The following DPP6 variants were observed in gnomAD, a reference collection of about 807,000 sequenced individuals.
DPP6 encodes dipeptidyl peptidase like 6, also known as A-type potassium channel modulatory protein DPP6.
Under a neutral mutation model 122.6 loss-of-function variants are expected in DPP6, and 69 were observed. The ratio of observed to expected loss-of-function variants is 0.56; its 90% confidence interval spans 0.46 to 0.69. The LOEUF is 0.69. DPP6 is among the 30% of genes least tolerant of loss of function. The pLI is 0.00. For synonymous variants in DPP6, 418 were observed against 433.1 expected (o/e 0.97, Z 0.43); for missense variants, 928 against 1,116.9 (o/e 0.83, Z 2.41).
chr7:154,385,033 C>G (rs1035448573), intron 1 of DPP6, among the ~76,000 whole-genome samples: 1 of 151,966 alleles, frequency 6.6e-6, no homozygotes, highest in African/African-American at 2.4e-5. Context: ...TGCAGTGGTG[C>G]GATCTCGGCT....
intron 1 of DPP6, among the ~76,000 whole-genome samples, chr7:154,273,845 A>G (rs1018085097): frequency 6.6e-6 from 1 of 152,240 alleles, no homozygotes; most frequent in South Asian, 2.1e-4. Context: ...ATTGGACTCC[A>G]AGTGAAACAA....
chr7:153,914,925 T>C (rs1800241401), intron 1 of DPP6, among the ~76,000 whole-genome samples: 2 of 152,248 alleles, frequency 1.3e-5, no homozygotes. Context: ...TAACTGGGTC[T>C]GAACTCTTGC....
At chr7:154,323,523 A>G (rs1301400299) in intron 1 of DPP6, among the ~76,000 whole-genome samples, 2 of 152,324 alleles carry the variant, frequency 1.3e-5, no homozygotes, top group East Asian at 3.9e-4. Flanking sequence ...TTCATCGTCA[A>G]CTAACTTCTG....
At chr7:154,411,168 A>G (rs1816564918) in intron 1 of DPP6, among the ~76,000 whole-genome samples, 1 of 152,254 alleles carries the variant, frequency 6.6e-6, no homozygotes, top group Non-Finnish European at 1.5e-5. Flanking sequence ...GTAGACATAT[A>G]TTAGCATCTT....
At chr7:154,802,086 G>A (rs1229680094) in intron 13 of DPP6, among the ~76,000 whole-genome samples, 4 of 151,930 alleles carry the variant, frequency 2.6e-5, no homozygotes, top group Admixed American at 2.0e-4. Context: ...CTGCAGGACG[G>A]GGCTGCCATG....
intron 1 of DPP6, among the ~76,000 whole-genome samples, chr7:154,194,870 A>G (rs545504117): frequency 6.6e-6 from 1 of 152,348 alleles, no homozygotes; most frequent in Non-Finnish European, 1.5e-5. Flanking sequence ...AGTTTCAAGA[A>G]ATATATTCTG....
chr7:154,261,555 A>G (rs949664846), intron 1 of DPP6, among the ~76,000 whole-genome samples: 1 of 152,342 alleles, frequency 6.6e-6, no homozygotes, highest in Admixed American at 6.5e-5. Context: ...TAATTAAACT[A>G]AAGAGCTTTT....
chr7:154,776,148 C>G (rs1227192641), intron 10 of DPP6, among the ~76,000 whole-genome samples: 1 of 151,744 alleles, frequency 6.6e-6, no homozygotes, highest in Admixed American at 6.6e-5. Context: ...CTATTTCTCT[C>G]CAAGTAAAGG....
chr7:153,787,744 G>A, the DPP6 span, among the ~76,000 whole-genome samples: 1 of 151,362 alleles, frequency 6.6e-6, no homozygotes, highest in Non-Finnish European at 1.5e-5. Flanking sequence ...GTGAGAACTT[G>A]TCTCTAAAAC....
chr7:154,340,881 G>A (rs1164405905), intron 1 of DPP6, among the ~76,000 whole-genome samples: 3 of 152,170 alleles, frequency 2.0e-5, no homozygotes, highest in African/African-American at 7.2e-5. Flanking sequence ...GTCCACTACA[G>A]AATGCCTGGC....
intron 21 of DPP6, among the ~76,000 whole-genome samples, chr7:154,883,080 T>A (rs1251996091): frequency 7.3e-6 from 1 of 136,178 alleles, no homozygotes; most frequent in Admixed American, 7.2e-5. Context: ...TGCTCACCCA[T>A]ACACCTGCTC....
At chr7:154,339,568 C>G (rs1809739397) in intron 1 of DPP6, among the ~76,000 whole-genome samples, 1 of 152,196 alleles carries the variant, frequency 6.6e-6, no homozygotes, top group South Asian at 2.1e-4. Flanking sequence ...CACTAATTTG[C>G]CTAGCAATTC....
intron 1 of DPP6, among the ~76,000 whole-genome samples, chr7:154,153,185 T>C (rs1796509699): frequency 6.6e-6 from 1 of 152,174 alleles, no homozygotes; most frequent in Admixed American, 6.5e-5. Flanking sequence ...AGGGGAGTTG[T>C]TACTTTTACT....
At chr7:154,137,025 G>A (rs956118875) in intron 1 of DPP6, among the ~76,000 whole-genome samples, 10 of 152,180 alleles carry the variant, frequency 6.6e-5, no homozygotes, top group African/African-American at 2.4e-4. Context: ...TCAACACACT[G>A]CCATGACCTG....
intron 5 of DPP6, among the ~76,000 whole-genome samples, chr7:154,632,566 T>C (rs1210733672): frequency 6.6e-6 from 1 of 151,944 alleles, no homozygotes; most frequent in Non-Finnish European, 1.5e-5. Flanking sequence ...TGCTGAAGAG[T>C]TTATTCTGGA....
intron 1 of DPP6, among the ~76,000 whole-genome samples, chr7:153,921,771 G>A (rs1160901637): frequency 6.6e-6 from 1 of 152,196 alleles, no homozygotes; most frequent in Non-Finnish European, 1.5e-5. Flanking sequence ...CATCACTTAG[G>A]TCTCCAGACT....
In DPP6 at chr7:154,512,778, G is replaced by C. The variant is rs113713992; in HGVS notation, c.458-27754G>C. Reference sequence around the variant, plus strand: ...TGCTGGACCTCTTGTGGTTTCCAGAGCTGTAGATGAATAAATTTTCATCCC... The same window carrying C: ...TGCTGGACCTCTTGTGGTTTCCAGACCTGTAGATGAATAAATTTTCATCCC... On this transcript the variant is annotated intron_variant, in intron 3 of 25. Coordinates refer to ENST00000377770, the MANE Select transcript of DPP6 (RefSeq NM_130797.4). Among the ~76,000 whole-genome samples, 803 of 152,258 alleles carry C rather than the reference G, an allele frequency of 5.3e-3. 3 individuals are homozygous for C. The highest frequency in any genetic ancestry group is 0.018 in the African/African-American group (758 of 41,550).
intron 19 of DPP6, among the ~76,000 whole-genome samples, chr7:154,873,606 G>A (rs554514995): frequency 6.6e-6 from 1 of 152,150 alleles, no homozygotes; most frequent in South Asian, 2.1e-4. Context: ...TAGCAAAAAG[G>A]TTCCATTATA....
At chr7:154,360,146 T>C (rs1811610180) in intron 1 of DPP6, among the ~76,000 whole-genome samples, 2 of 152,210 alleles carry the variant, frequency 1.3e-5, no homozygotes, top group African/African-American at 4.8e-5. Flanking sequence ...GTTTTCAAGC[T>C]GCCATTTAGA....
Sources: gnomAD v4.1 joint callset for allele counts (sites outside exome capture counted in the v4.1 genomes callset) on GRCh38, gnomAD v4.1.1 for gene constraint, MANE v1.5 for transcripts, NCBI Gene and HGNC (gene_info 2026-07-23, HGNC 2026-07-21) for gene names.